The following PCDH9 variants were observed in gnomAD, a reference collection of about 807,000 sequenced individuals.
PCDH9 encodes protocadherin 9, also known as protocadherin-9.
PCDH9 carries 24 observed loss-of-function variants against 70.6 expected under a neutral mutation model. The observed-to-expected ratio is 0.34, with a 90% CI of 0.25 to 0.48. The LOEUF (loss-of-function observed/expected upper bound fraction) is 0.48, where lower values mean the gene tolerates loss of function less well. Ranked by LOEUF, PCDH9 falls within the 20% of genes least tolerant of loss-of-function variation. PCDH9 has a pLI of 0.99. For synonymous variants in PCDH9, 562 were observed against 558.5 expected (o/e 1.01, Z -0.09); for missense variants, 1,281 against 1,503.6 (o/e 0.85, Z 2.45).
chr13:66,388,371 A>G (rs942529988), intron 4 of PCDH9, among the ~76,000 whole-genome samples: 8 of 152,178 alleles, frequency 5.3e-5, no homozygotes, highest in Non-Finnish European at 1.0e-4. Context: ...GGATTAATAT[A>G]GATTTCACAG....
chr13:66,553,634 G>A (rs1961594203), intron 4 of PCDH9, among the ~76,000 whole-genome samples: 1 of 151,992 alleles, frequency 6.6e-6, no homozygotes, highest in Admixed American at 6.6e-5. Flanking sequence ...TGAATGCCAG[G>A]GAGTACACAA....
At chr13:66,690,080 G>A (rs1176082908) in intron 3 of PCDH9, among the ~76,000 whole-genome samples, 1 of 152,100 alleles carries the variant, frequency 6.6e-6, no homozygotes, top group Non-Finnish European at 1.5e-5. Flanking sequence ...CAGTAAAAGT[G>A]CACATAAATA....
rs571001194 is a variant in PCDH9 at position 66,721,730 on chromosome 13, T to G, written c.3139-90319A>C. Among the ~76,000 whole-genome samples the G allele has an allele frequency of 2.9e-4, 44 of 152,360 alleles. No individual in the cohort carries two copies. In the South Asian group the frequency reaches 5.4e-3, roughly 19 times the overall value. On this transcript the variant is annotated intron_variant, in intron 3 of 4. Transcript: ENST00000377865. ...AAATCAAGAAACTTGACATCACTGC[T>G]AGGCCTCTCATAGCCAATATCATTT...
At chr13:66,846,136 C>CAAAAA (rs56199120) in intron 3 of PCDH9, among the ~76,000 whole-genome samples, 2 of 134,518 alleles carry the variant, frequency 1.5e-5, no homozygotes, top group Admixed American at 7.5e-5. Context: ...AAAAAAAGAC[C>CAAAAA]AAAAAAAAAA....
chr13:66,581,068 C>T (rs1031854790), intron 4 of PCDH9, among the ~76,000 whole-genome samples: 2 of 151,998 alleles, frequency 1.3e-5, no homozygotes, highest in Non-Finnish European at 2.9e-5. Flanking sequence ...GTCTTTACAC[C>T]CATTTTTGAA....
chr13:66,665,995 T>C (rs2078091625), intron 3 of PCDH9, among the ~76,000 whole-genome samples: 1 of 152,148 alleles, frequency 6.6e-6, no homozygotes, highest in Non-Finnish European at 1.5e-5. Context: ...TTCTGAGACC[T>C]TGGGTGAAAC....
intron 3 of PCDH9, among the ~76,000 whole-genome samples, chr13:66,743,983 G>A (rs1405727226): frequency 6.6e-6 from 1 of 152,042 alleles, no homozygotes; most frequent in African/African-American, 2.4e-5. Flanking sequence ...GAAAAAAAAT[G>A]TAAATGGGAA....
intron 2 of PCDH9, among the ~76,000 whole-genome samples, chr13:67,066,660 G>A (rs976442421): frequency 6.6e-6 from 1 of 151,978 alleles, no homozygotes; most frequent in African/African-American, 2.4e-5. Context: ...TTTTAATGAG[G>A]CCTTTCATAC....
intron 3 of PCDH9, among the ~76,000 whole-genome samples, chr13:66,684,463 G>T (rs2078372145): frequency 6.6e-6 from 1 of 152,170 alleles, no homozygotes; most frequent in Admixed American, 6.5e-5. Flanking sequence ...CCAGTGGGAG[G>T]AAACTGAATC....
chr13:67,221,871 C>T (rs942464665), intron 2 of PCDH9: 37 of 152,148 alleles, frequency 2.4e-4, no homozygotes, highest in African/African-American at 7.7e-4. Flanking sequence ...TATGATAATA[C>T]GAGAGGGAAA....
intron 2 of PCDH9, among the ~76,000 whole-genome samples, chr13:67,175,842 T>G (rs2088436061): frequency 6.6e-6 from 1 of 152,130 alleles, no homozygotes; most frequent in African/African-American, 2.4e-5. Context: ...AAATGCAGCA[T>G]TCTTTAGATT....
chr13:67,162,580 T>C (rs933995502), intron 2 of PCDH9, among the ~76,000 whole-genome samples: 2 of 152,202 alleles, frequency 1.3e-5, no homozygotes, highest in African/African-American at 4.8e-5. Flanking sequence ...GTCAGCAGTT[T>C]TTGACCTAGC....
intron 4 of PCDH9, among the ~76,000 whole-genome samples, chr13:66,362,288 T>C (rs530187988): frequency 2.0e-5 from 3 of 152,342 alleles, no homozygotes; most frequent in Admixed American, 1.3e-4. Context: ...GATATAGATG[T>C]AACGGAAAAC....
At chr13:66,752,471 A>AT (rs2079475735) in intron 3 of PCDH9, among the ~76,000 whole-genome samples, 1 of 151,892 alleles carries the variant, frequency 6.6e-6, no homozygotes, top group African/African-American at 2.4e-5. Flanking sequence ...TGTTTTTTGT[A>AT]TTTTTTGTAG....
intron 2 of PCDH9, among the ~76,000 whole-genome samples, chr13:67,053,586 A>G (rs2085363076): frequency 1.3e-5 from 2 of 152,130 alleles, no homozygotes; most frequent in Admixed American, 6.6e-5. Flanking sequence ...AGCTATCTCA[A>G]AAGGAGTGAC....
chr13:66,726,920 T>G (rs1220819459), intron 3 of PCDH9, among the ~76,000 whole-genome samples: 1 of 152,170 alleles, frequency 6.6e-6, no homozygotes, highest in African/African-American at 2.4e-5. Context: ...CCTACTTGCT[T>G]GCCTTATTTC....
chr13:66,755,808 A>G (rs965265981), intron 3 of PCDH9, among the ~76,000 whole-genome samples: 1 of 152,186 alleles, frequency 6.6e-6, no homozygotes, highest in Non-Finnish European at 1.5e-5. Context: ...AATAGAACAA[A>G]GAAAAAATTC....
At chr13:67,083,132 T>C (rs530942153) in intron 2 of PCDH9, among the ~76,000 whole-genome samples, 1 of 152,268 alleles carries the variant, frequency 6.6e-6, no homozygotes, top group East Asian at 1.9e-4. Context: ...ATAAAAAGTA[T>C]AGTTAATCTC....
intron 3 of PCDH9, among the ~76,000 whole-genome samples, chr13:66,799,609 T>C (rs1232627408): frequency 1.3e-5 from 2 of 152,222 alleles, no homozygotes; most frequent in African/African-American, 2.4e-5. Flanking sequence ...AAGAAATGTC[T>C]ATATATTGTC....
Sources: gnomAD v4.1 joint callset for allele counts (sites outside exome capture counted in the v4.1 genomes callset) on GRCh38, gnomAD v4.1.1 for gene constraint, MANE v1.5 for transcripts, NCBI Gene and HGNC (gene_info 2026-07-23, HGNC 2026-07-21) for gene names.